The following BARD1 variants were observed in gnomAD, a reference collection of about 807,000 sequenced individuals.
BARD1 encodes BRCA1-associated RING domain protein 1.
In BARD1, 73 loss-of-function variants were observed where a neutral mutation model predicts 77.0. That is an observed-to-expected ratio of 0.95 (90% CI 0.79 to 1.15). The LOEUF is 1.15. Ranked by LOEUF, BARD1 falls within the 50% of genes most tolerant of loss-of-function variation. BARD1 has a pLI of 0.00. For missense variants in BARD1, 993 were observed against 938.8 expected, an observed-to-expected ratio of 1.06 and a Z score of -0.75; for synonymous variants, 384 against 338.0, an observed-to-expected ratio of 1.14 and a Z score of -1.49.
At chr2:214,729,152 T>A in intron 10 of BARD1, 144 bp from the exon 11 acceptor site, 1 of 1,070,868 alleles carries the variant, frequency 9.3e-7, no homozygotes, top group Admixed American at 2.6e-5. Flanking sequence ...ATTCATAAAT[T>A]TTTTGGGTTT....
intron 6 of BARD1, among the ~76,000 whole-genome samples, chr2:214,760,034 G>A (rs1354429142): frequency 6.6e-6 from 1 of 152,062 alleles, no homozygotes; most frequent in Non-Finnish European, 1.5e-5. Context: ...CACATTCAAT[G>A]TCTAACTTAT....
chr2:214,797,284 G>A (rs983049558), intron 1 of BARD1, among the ~76,000 whole-genome samples, 167 bp from the exon 2 acceptor site: 2 of 152,124 alleles, frequency 1.3e-5, no homozygotes, highest in African/African-American at 4.8e-5. Context: ...GTTAAATATT[G>A]TACCATAACA....
chr2:214,745,445 C>T (rs1012396735), intron 8 of BARD1, among the ~76,000 whole-genome samples: 18 of 152,172 alleles, frequency 1.2e-4, no homozygotes, highest in Admixed American at 1.2e-3. Flanking sequence ...CACTGCACAA[C>T]AATTTATTTG....
chr2:214,754,116 A>G (rs1480713015), intron 6 of BARD1, among the ~76,000 whole-genome samples: 2 of 152,098 alleles, frequency 1.3e-5, no homozygotes. Flanking sequence ...CAACTACACA[A>G]TCTCCTCACC....
chr2:214,800,035 T>C (rs1348039616), intron 1 of BARD1, among the ~76,000 whole-genome samples: 1 of 152,224 alleles, frequency 6.6e-6, no homozygotes, highest in Non-Finnish European at 1.5e-5. Flanking sequence ...CATGTAGGCA[T>C]ACCCCCAGGA....
intron 3 of BARD1, among the ~76,000 whole-genome samples, chr2:214,785,782 A>C (rs948031523): frequency 2.1e-4 from 32 of 151,978 alleles, no homozygotes; most frequent in Admixed American, 2.0e-3. Context: ...AAAAATAACA[A>C]TAATCTGATA....
At chr2:214,803,761 A>G (rs1397282884) in intron 1 of BARD1, among the ~76,000 whole-genome samples, 2 of 152,076 alleles carry the variant, frequency 1.3e-5, no homozygotes, top group African/African-American at 4.8e-5. Flanking sequence ...TTCTTTCTCT[A>G]TACTTTGTAT....
intron 9 of BARD1, among the ~76,000 whole-genome samples, chr2:214,735,788 A>G (rs1179647714): frequency 6.6e-6 from 1 of 152,154 alleles, no homozygotes; most frequent in Non-Finnish European, 1.5e-5. Flanking sequence ...TGTTTATTAT[A>G]AAAAGGTCAG....
rs191130001 is a variant in BARD1 at position 214,726,338 on chromosome 2, T to C, written c.*2338A>G. The C allele has an allele frequency of 2.5e-5, 5 of 201,760 alleles. No homozygotes were observed. The highest frequency in any genetic ancestry group is 1.5e-4 in the East Asian group (2 of 12,920). 12.5% of individuals were successfully genotyped at this position (201,760 alleles called of 1,614,324 possible). On this transcript the variant is annotated 3_prime_UTR_variant, in exon 11 of 11. Coordinates refer to ENST00000260947, the MANE Select transcript of BARD1 (RefSeq NM_000465.4). ...TATAAATTCAAGTAGAACTAGAAAA[T>C]AGCCATGAGAATGTGGAAAAGCTAC...
intron 9 of BARD1, among the ~76,000 whole-genome samples, chr2:214,733,917 T>C (rs566526512): frequency 2.8e-4 from 42 of 152,244 alleles, no homozygotes; most frequent in Middle Eastern, 3.4e-3. Flanking sequence ...AGAAAAAAGG[T>C]TAATAGCTTA....
intron 6 of BARD1, among the ~76,000 whole-genome samples, chr2:214,757,350 T>C (rs1188453458): frequency 1.3e-5 from 2 of 152,034 alleles, no homozygotes; most frequent in Non-Finnish European, 2.9e-5. Flanking sequence ...TAAATCATAA[T>C]GTGGAAAATA....
At chr2:214,755,212 G>T (rs1388143845) in intron 6 of BARD1, among the ~76,000 whole-genome samples, 1 of 152,156 alleles carries the variant, frequency 6.6e-6, no homozygotes, top group Non-Finnish European at 1.5e-5. Context: ...AAATAGAGAA[G>T]TCAGTGATAA....
At position 214,797,187 on chromosome 2, in the gene BARD1, A is replaced by C. The variant is rs34377639; in HGVS notation, c.159-70T>G. ...ATAAACATCTCACACCCAATATTTC[A>C]TCCAAGGCCCAACACTACCATATTT... On this transcript the variant is annotated intron_variant, in intron 1 of 10. Coordinates refer to ENST00000260947, the MANE Select transcript of BARD1 (RefSeq NM_000465.4). 0.058 allele frequency: 71,042 copies of C among 1,221,318 alleles called. 2,289 individuals carry two copies. Among genetic ancestry groups the C allele is most frequent in the Admixed American group, 0.1 (6,163 of 59,406 alleles). The allele number at this position is 1,221,318 out of a possible 1,614,324, so 75.7% of individuals were successfully genotyped here.
intron 3 of BARD1, among the ~76,000 whole-genome samples, chr2:214,791,265 G>A (rs1158471658): frequency 1.3e-5 from 2 of 152,110 alleles, no homozygotes; most frequent in African/African-American, 4.8e-5. Context: ...TAAAAATATG[G>A]ACCTGTGGTA....
chr2:214,754,935 G>T (rs1459915449), intron 6 of BARD1, among the ~76,000 whole-genome samples: 2 of 152,126 alleles, frequency 1.3e-5, no homozygotes, highest in African/African-American at 2.4e-5. Context: ...GGAAGTAGAT[G>T]TAAGTTTACA....
chr2:214,768,039 A>G (rs1315669290), intron 5 of BARD1, among the ~76,000 whole-genome samples: 1 of 152,248 alleles, frequency 6.6e-6, no homozygotes, highest in Middle Eastern at 3.2e-3. Flanking sequence ...GTACATACAC[A>G]TATCATGCAA....
chr2:214,780,417 C>G (rs1286783427), intron 4 of BARD1, 143 bp downstream of exon 4: 11 of 742,588 alleles, frequency 1.5e-5, no homozygotes, highest in Admixed American at 1.1e-4. Context: ...CCCTATGAAT[C>G]TGGCTTCTCT....
In BARD1 at chr2:214,781,470, T is replaced by C. The variant is rs778256124; in HGVS notation, c.404A>G (p.Asp135Gly). The part of the protein sequence containing the change: ...EDKPRKSLFN[D>G]AGNKKNSIKM... ...AATTGAATTCTTCTTGTTTCCTGCATCATTAAACAAACTTTTCCTAGGTTT... is the reference window on the plus strand; with the variant it reads ...AATTGAATTCTTCTTGTTTCCTGCACCATTAAACAAACTTTTCCTAGGTTT... The change falls in exon 4 of 11, where the codon GAT (aspartate) becomes GGT (glycine). Residue 135 changes from aspartate to glycine, a missense_variant. Transcript: ENST00000260947. 1 of 1,612,354 alleles carries C rather than the reference T, an allele frequency of 6.2e-7. No homozygotes were observed. Among genetic ancestry groups the C allele is most frequent in the Non-Finnish European group, 8.5e-7 (1 of 1,179,626 alleles).
intron 1 of BARD1, among the ~76,000 whole-genome samples, chr2:214,805,093 G>A (rs946846101): frequency 1.1e-4 from 16 of 151,508 alleles, no homozygotes; most frequent in East Asian, 3.9e-4. Flanking sequence ...CCTGGCAGGC[G>A]GAGGTTGCAG....
Sources: allele counts gnomAD v4.1 joint callset (sites outside exome capture counted in the v4.1 genomes callset), GRCh38; gene constraint gnomAD v4.1.1; transcripts MANE v1.5; gene names NCBI Gene and HGNC (gene_info 2026-07-23, HGNC 2026-07-21).